Variants in PTPRK observed in about 807,000 individuals in gnomAD.
PTPRK encodes receptor-type tyrosine-protein phosphatase kappa.
PTPRK carries 75 observed loss-of-function variants against 178.0 expected under a neutral mutation model. The observed-to-expected ratio is 0.42, with a 90% CI of 0.35 to 0.51. The LOEUF is 0.51. Among genes scored for constraint, PTPRK ranks in the 20% least tolerant of loss-of-function variants. PTPRK has a pLI of 0.02. For missense variants in PTPRK, 1,441 were observed against 1,797.8 expected (o/e 0.80, Z 3.59); for synonymous variants, 637 against 620.6 (o/e 1.03, Z -0.39).
chr6:128,409,619 C>T (rs1842072085), intron 1 of PTPRK, among the ~76,000 whole-genome samples: 1 of 152,176 alleles, frequency 6.6e-6, no homozygotes, highest in Non-Finnish European at 1.5e-5. Flanking sequence ...ATACAATCAA[C>T]TTGTAAAGTT....
intron 3 of PTPRK, among the ~76,000 whole-genome samples, chr6:128,249,367 T>A (rs1816070462): frequency 1.3e-5 from 2 of 151,104 alleles, no homozygotes; most frequent in South Asian, 4.2e-4. Context: ...TAAAAGTCAG[T>A]AAAGAGTTTA....
At chr6:128,109,468 GA>G (rs1379592704) in intron 7 of PTPRK, among the ~76,000 whole-genome samples, 1 of 152,028 alleles carries the variant, frequency 6.6e-6, no homozygotes, top group African/African-American at 2.4e-5. Flanking sequence ...CAATGTCTCA[GA>G]ATTGGTTCAT....
chr6:128,283,747 G>A (rs1328841914), intron 3 of PTPRK, among the ~76,000 whole-genome samples: 1 of 152,130 alleles, frequency 6.6e-6, no homozygotes, highest in Non-Finnish European at 1.5e-5. Flanking sequence ...GCCCTTGAAA[G>A]GAGCCACAAA....
chr6:128,084,198 T>G (rs1275811517), intron 8 of PTPRK, among the ~76,000 whole-genome samples: 1 of 152,132 alleles, frequency 6.6e-6, no homozygotes, highest in Non-Finnish European at 1.5e-5. Context: ...CCCCAAAGAT[T>G]TTTTTGAAGA....
At chr6:128,319,107 A>G (rs1828437859) in intron 3 of PTPRK, among the ~76,000 whole-genome samples, 1 of 152,196 alleles carries the variant, frequency 6.6e-6, no homozygotes, top group Admixed American at 6.5e-5. Context: ...GCTCTAAGTA[A>G]GTGTGATTTA....
chr6:128,298,924 C>T (rs1825014771), intron 3 of PTPRK, among the ~76,000 whole-genome samples: 1 of 152,152 alleles, frequency 6.6e-6, no homozygotes, highest in Non-Finnish European at 1.5e-5. Context: ...AAGAGGAAGT[C>T]AAATTGTCCC....
intron 7 of PTPRK, among the ~76,000 whole-genome samples, chr6:128,172,614 T>C (rs556600134): frequency 4.8e-4 from 72 of 150,988 alleles, no homozygotes; most frequent in Middle Eastern, 3.5e-3. Context: ...GATATGTAGA[T>C]ATATATATAT....
intron 1 of PTPRK, among the ~76,000 whole-genome samples, chr6:128,457,660 C>T (rs117699396): frequency 0.016 from 2,511 of 152,278 alleles, 28 homozygotes; most frequent in Non-Finnish European, 0.027. Context: ...TACTTAGCCA[C>T]ATCTCCCAGA....
intron 1 of PTPRK, among the ~76,000 whole-genome samples, chr6:128,465,357 T>C (rs1849708252): frequency 6.6e-6 from 1 of 152,204 alleles, no homozygotes; most frequent in Non-Finnish European, 1.5e-5. Context: ...CAAATTCCTT[T>C]TGTTACTACT....
intron 7 of PTPRK, among the ~76,000 whole-genome samples, chr6:128,104,974 C>T (rs1358692217): frequency 6.6e-6 from 1 of 152,118 alleles, no homozygotes; most frequent in East Asian, 1.9e-4. Context: ...CTGAAGAGTA[C>T]TTAAAACATT....
intron 1 of PTPRK, among the ~76,000 whole-genome samples, chr6:128,417,045 T>C (rs1455850001): frequency 1.3e-5 from 2 of 150,044 alleles, no homozygotes; most frequent in South Asian, 2.1e-4. Context: ...GATAATTATC[T>C]ATATAATTTT....
intron 7 of PTPRK, among the ~76,000 whole-genome samples, chr6:128,093,596 C>CAAAAAAAA (rs1172145765): frequency 3.2e-4 from 2 of 6,262 alleles, no homozygotes; most frequent in Non-Finnish European, 3.1e-4. Context: ...GACTCTCTCT[C>CAAAAAAAA]AAAAAAAAAA....
At chr6:128,082,780 T>C in intron 9 of PTPRK, 142 bp from the exon 10 acceptor site, 1 of 566,164 alleles carries the variant, frequency 1.8e-6, no homozygotes, top group East Asian at 3.0e-5. Context: ...CTCATGTTGA[T>C]ATTGTTATTT....
At chr6:128,164,004 C>T (rs939610704) in intron 7 of PTPRK, among the ~76,000 whole-genome samples, 1 of 151,358 alleles carries the variant, frequency 6.6e-6, no homozygotes, top group Non-Finnish European at 1.5e-5. Context: ...AGTAAGAATT[C>T]TCATTTTAGA....
intron 3 of PTPRK, among the ~76,000 whole-genome samples, chr6:128,312,290 A>G (rs1423515487): frequency 1.3e-5 from 2 of 152,152 alleles, no homozygotes; most frequent in Non-Finnish European, 2.9e-5. Context: ...AAGTTAGAGC[A>G]GTTGTTTTTA....
chr6:128,134,315 T>C (rs1305906119), intron 7 of PTPRK, among the ~76,000 whole-genome samples: 3 of 152,210 alleles, frequency 2.0e-5, no homozygotes, highest in African/African-American at 4.8e-5. Flanking sequence ...GATATAAAAA[T>C]GATCTTTTCT....
chr6:128,235,050 G>T (rs1812975287), intron 5 of PTPRK, among the ~76,000 whole-genome samples: 1 of 151,894 alleles, frequency 6.6e-6, no homozygotes, highest in Non-Finnish European at 1.5e-5. Flanking sequence ...AATACTCAAG[G>T]TTACGGATAC....
At chr6:128,040,534 GAAC>G (rs1405181852) in intron 13 of PTPRK, among the ~76,000 whole-genome samples, 3 of 152,040 alleles carry the variant, frequency 2.0e-5, no homozygotes, top group Non-Finnish European at 1.5e-5. Context: ...CAAGTGCTGT[GAAC>G]AACAGCAGCA....
intron 7 of PTPRK, among the ~76,000 whole-genome samples, chr6:128,160,238 C>T (rs970527226): frequency 7.3e-5 from 11 of 151,618 alleles, no homozygotes; most frequent in African/African-American, 2.4e-4. Context: ...AATATCAGTA[C>T]CAAGGGGGAA....
Sources: gnomAD v4.1 joint callset for allele counts (sites outside exome capture counted in the v4.1 genomes callset) on GRCh38, gnomAD v4.1.1 for gene constraint, MANE v1.5 for transcripts, NCBI Gene and HGNC (gene_info 2026-07-23, HGNC 2026-07-21) for gene names.